Variants in RTN4 observed in about 807,000 individuals in gnomAD.
RTN4 encodes the protein reticulon-4.
In RTN4, 32 loss-of-function variants were observed where a neutral mutation model predicts 90.4. The observed-to-expected ratio is 0.35, with a 90% CI of 0.27 to 0.48. The LOEUF (loss-of-function observed/expected upper bound fraction) is 0.48. Ranked by LOEUF, RTN4 falls within the 20% of genes least tolerant of loss-of-function variation. The pLI is 0.99. For missense variants in RTN4, 1,706 were observed against 1,430.2 expected, an observed-to-expected ratio of 1.19 and a Z score of -3.11; for synonymous variants, 629 against 552.5, an observed-to-expected ratio of 1.14 and a Z score of -1.94.
At chr2:54,986,349 G>C (rs183479131) in intron 4 of RTN4, among the ~76,000 whole-genome samples, 4 of 152,218 alleles carry the variant, frequency 2.6e-5, no homozygotes, top group African/African-American at 2.4e-5. Context: ...TAAAGGGCCA[G>C]ATAGTTAAGC....
At chr2:55,069,748 A>G (rs1668453537) in intron 2 of RTN4, among the ~76,000 whole-genome samples, 3 of 152,314 alleles carry the variant, frequency 2.0e-5, no homozygotes, top group Non-Finnish European at 4.4e-5. Flanking sequence ...CTGCACCTCC[A>G]CCCATCACCC....
chr2:55,017,522 A>ATTAGTTCAATTGTTCAATTACCAAT (rs1681129964), intron 3 of RTN4, among the ~76,000 whole-genome samples: 1 of 152,214 alleles, frequency 6.6e-6, no homozygotes, highest in Admixed American at 6.5e-5. Flanking sequence ...TCACTTACCA[A>ATTAGTTCAATTGTTCAATTACCAAT]TAGTTCCAAT....
At chr2:55,106,029 C>T (rs1315001910) in intron 1 of RTN4, among the ~76,000 whole-genome samples, 1 of 152,052 alleles carries the variant, frequency 6.6e-6, no homozygotes, top group Non-Finnish European at 1.5e-5. Flanking sequence ...TATTTCTTTT[C>T]TCTTATGCTT....
chr2:54,982,715 C>T, intron 4 of RTN4, 62 bp from the exon 5 acceptor site: 1 of 1,498,288 alleles, frequency 6.7e-7, no homozygotes, highest in East Asian at 2.3e-5. Context: ...AAATGTCAAT[C>T]AGAAATTATA....
At chr2:55,132,467 C>T in the RTN4 span, among the ~76,000 whole-genome samples, 1 of 150,696 alleles carries the variant, frequency 6.6e-6, no homozygotes, top group Non-Finnish European at 1.5e-5. Flanking sequence ...GGTGCCACTG[C>T]ACTCCAGCCT....
chr2:55,130,032 G>A, the RTN4 span, among the ~76,000 whole-genome samples: 1 of 152,124 alleles, frequency 6.6e-6, no homozygotes, highest in Non-Finnish European at 1.5e-5. Context: ...TTGCACATGT[G>A]CCTGAAAAAG....
At chr2:55,096,533 T>C (rs1669037691) in intron 1 of RTN4, among the ~76,000 whole-genome samples, 1 of 152,206 alleles carries the variant, frequency 6.6e-6, no homozygotes, top group Non-Finnish European at 1.5e-5. Flanking sequence ...GTCTCAAGTC[T>C]AAGTTCCCAG....
chr2:54,979,328 G>A (rs1677931605), intron 5 of RTN4, among the ~76,000 whole-genome samples: 2 of 152,084 alleles, frequency 1.3e-5, no homozygotes, highest in African/African-American at 4.8e-5. Context: ...AAAGTGCTGG[G>A]ATTACAGGCG....
intron 1 of RTN4, among the ~76,000 whole-genome samples, chr2:55,040,729 T>A (rs990566131): frequency 3.9e-5 from 6 of 152,052 alleles, no homozygotes; most frequent in Non-Finnish European, 8.8e-5. Context: ...CTGCTACCTA[T>A]ACCTCTCATA....
Position 55,076,373 on chromosome 2 carries a change from C to T in RTN4, c.-63+4116G>A, listed in dbSNP as rs547593169. On this transcript the variant is annotated intron_variant, in intron 2 of 3. Transcript: ENST00000427710. ...TGATATGGTTTGGCTGTGTCCCCAC[C>T]CAAATTTCTTTTGTTCTTTTTTTTT... Among the ~76,000 whole-genome samples, 10 of 150,486 alleles carry T rather than the reference C, an allele frequency of 6.6e-5. No individual in the cohort carries two copies. In the East Asian group the frequency reaches 1.6e-3, roughly 23 times the overall value.
chr2:55,118,084 T>A, the RTN4 span, among the ~76,000 whole-genome samples: 1 of 152,174 alleles, frequency 6.6e-6, no homozygotes, highest in Non-Finnish European at 1.5e-5. Flanking sequence ...AAGACTGAAT[T>A]TCTAACAAGC....
intron 3 of RTN4, among the ~76,000 whole-genome samples, chr2:55,021,104 A>T (rs1681395320): frequency 2.0e-5 from 3 of 152,174 alleles, no homozygotes; most frequent in Admixed American, 6.5e-5. Flanking sequence ...AAGACCCAGA[A>T]TTTTTTTAAA....
intron 1 of RTN4, among the ~76,000 whole-genome samples, chr2:55,034,192 T>C (rs1170390082): frequency 6.6e-6 from 1 of 152,188 alleles, no homozygotes; most frequent in East Asian, 1.9e-4. Context: ...GAATTGGCTG[T>C]ATTATTCAAA....
intron 3 of RTN4, among the ~76,000 whole-genome samples, chr2:54,998,028 A>T (rs1679568559): frequency 6.6e-6 from 1 of 152,200 alleles, no homozygotes; most frequent in South Asian, 2.1e-4. Flanking sequence ...GTACTGATAC[A>T]TGTTACAACC....
At chr2:55,075,920 C>T (rs528479888) in intron 2 of RTN4, among the ~76,000 whole-genome samples, 3 of 152,254 alleles carry the variant, frequency 2.0e-5, no homozygotes, top group African/African-American at 7.2e-5. Flanking sequence ...TCATATCTCA[C>T]CCTATACAAA....
chr2:54,994,498 T>C (rs904221375), intron 3 of RTN4, among the ~76,000 whole-genome samples: 1 of 152,188 alleles, frequency 6.6e-6, no homozygotes, highest in African/African-American at 2.4e-5. Context: ...TCCCAACAGA[T>C]GCAGAAAAAG....
rs576318061 is a variant in RTN4 at position 55,103,620 on chromosome 2, T to C, written c.-214+8900A>G. Among the ~76,000 whole-genome samples, 56 of 152,198 alleles carry C rather than the reference T, an allele frequency of 3.7e-4. No homozygotes were observed. The South Asian group carries it at 0.012, about 32-fold the overall frequency. On this transcript the variant is annotated intron_variant, in intron 1 of 3. Coordinates refer to the RTN4 transcript ENST00000427710. The stretch of plus-strand genomic sequence containing the variant: ...ACTTATCCTTAAACCCACAGAGCTG[T>C]GTACTTTATTTTTTTCCCTCTTTTT...
chr2:55,080,801 A>T (rs1668697133), intron 1 of RTN4, among the ~76,000 whole-genome samples: 1 of 152,222 alleles, frequency 6.6e-6, no homozygotes, highest in Non-Finnish European at 1.5e-5. Flanking sequence ...ATTTATACAT[A>T]CATAATACAT....
At chr2:55,073,633 T>C (rs1668551626) in intron 2 of RTN4, among the ~76,000 whole-genome samples, 1 of 152,228 alleles carries the variant, frequency 6.6e-6, no homozygotes, top group African/African-American at 2.4e-5. Flanking sequence ...TTCCAGGGAC[T>C]CATTAGGAGC....
Sources: gnomAD v4.1 joint callset for allele counts (sites outside exome capture counted in the v4.1 genomes callset) on GRCh38, gnomAD v4.1.1 for gene constraint, MANE v1.5 for transcripts, NCBI Gene and HGNC (gene_info 2026-07-23, HGNC 2026-07-21) for gene names.